SAMD4A: variants seen among roughly 807,000 people sequenced by gnomAD.
SAMD4A encodes the protein sterile alpha motif domain containing 4A, also known as protein Smaug homolog 1.
In SAMD4A, 33 loss-of-function variants were observed where a neutral mutation model predicts 81.3. The ratio of observed to expected loss-of-function variants is 0.41; its 90% confidence interval spans 0.31 to 0.54. SAMD4A has a LOEUF of 0.54. SAMD4A is among the 20% of genes least tolerant of loss of function. SAMD4A has a pLI of 0.37. For synonymous variants in SAMD4A, 389 were observed against 382.1 expected (o/e 1.02, Z -0.21); for missense variants, 854 against 951.1 (o/e 0.90, Z 1.34).
rs763637402 is a variant in SAMD4A at position 54,789,253 on chromosome 14, C to T, written c.*309C>T. The T allele has an allele frequency of 3.3e-5, 16 of 484,752 alleles. No individual in the cohort carries two copies. The highest frequency in any genetic ancestry group is 9.7e-5 in the South Asian group (4 of 41,418). 30.0% of individuals were successfully genotyped at this position (484,752 alleles called of 1,614,324 possible). A position where few individuals can be genotyped will look rare whatever the true frequency, so the allele number is the denominator to read the frequency against. On this transcript the variant is annotated 3_prime_UTR_variant, in exon 13 of 13. Coordinates refer to ENST00000554335, the MANE Select transcript of SAMD4A (RefSeq NM_015589.6). Reference sequence around the variant, plus strand: ...AATGCAGGTAGCTCTCTGGATGGAACGGGGACAGGGGAAAGAGTACTGCCA... The same window carrying T: ...AATGCAGGTAGCTCTCTGGATGGAATGGGGACAGGGGAAAGAGTACTGCCA...
At chr14:54,702,855 T>C in intron 3 of SAMD4A, 1 of 343,336 alleles carries the variant, frequency 2.9e-6, no homozygotes, top group South Asian at 5.4e-5. Flanking sequence ...AGAAGGAAAC[T>C]TGCCGTTTCC....
intron 4 of SAMD4A, among the ~76,000 whole-genome samples, chr14:54,738,480 G>T (rs562126414): frequency 3.3e-5 from 5 of 152,170 alleles, no homozygotes; most frequent in Non-Finnish European, 7.3e-5. Context: ...TGGTTCCAGG[G>T]CTGAGTGCCC....
intron 2 of SAMD4A, among the ~76,000 whole-genome samples, chr14:54,619,532 T>C (rs536312531): frequency 2.4e-4 from 37 of 152,310 alleles, no homozygotes; most frequent in African/African-American, 8.4e-4. Flanking sequence ...ACCTTTTTTG[T>C]TTTAATCATT....
chr14:54,660,095 A>G lies in SAMD4A; in HGVS notation c.197-41967A>G, dbSNP rs59793891. On this transcript the variant is annotated intron_variant, in intron 2 of 12. Transcript: ENST00000554335. ...ACTCCGTCTCAGAAAAAAAAAAAAA[A>G]GGGCCTTTTGTCAATCATCATTCTC... Among the ~76,000 whole-genome samples the G allele has an allele frequency of 8.2e-4, 125 of 151,948 alleles. 1 individual carries two copies. In the East Asian group the frequency reaches 0.015, roughly 18 times the overall value.
intron 3 of SAMD4A, among the ~76,000 whole-genome samples, chr14:54,705,236 C>T (rs140666955): frequency 2.6e-4 from 39 of 152,292 alleles, no homozygotes; most frequent in African/African-American, 9.1e-4. Context: ...TAAGTGTTAA[C>T]ACTGATATGC....
intron 12 of SAMD4A, among the ~76,000 whole-genome samples, chr14:54,788,421 T>A (rs1362236892): frequency 1.3e-5 from 2 of 151,874 alleles, no homozygotes; most frequent in Non-Finnish European, 2.9e-5. Flanking sequence ...CACCCTCAGC[T>A]CCACCACCGG....
chr14:54,764,026 C>T (rs796645676), intron 7 of SAMD4A, among the ~76,000 whole-genome samples: 3 of 152,180 alleles, frequency 2.0e-5, no homozygotes, highest in Admixed American at 1.3e-4. Context: ...ACACAAACGC[C>T]GCTGTCTCTG....
At chr14:54,566,308 G>A (rs1395394428), upstream of SAMD4A, among the ~76,000 whole-genome samples, 1 of 151,642 alleles carries the variant, frequency 6.6e-6, no homozygotes, top group Non-Finnish European at 1.5e-5. Context: ...GAGCCGCGCC[G>A]AGGTGAGCGC....
At chr14:54,565,759 T>C (rs990685232), upstream of SAMD4A, among the ~76,000 whole-genome samples, 2 of 151,756 alleles carry the variant, frequency 1.3e-5, no homozygotes, top group African/African-American at 4.8e-5. This position sits in a 1 kb window ranked among gnomAD's most constrained non-coding sequence, Gnocchi z 5.4. Context: ...GGGGCTCCAG[T>C]GGCTTGAGTG....
chr14:54,682,022 AGT>A (rs2036139916), intron 2 of SAMD4A: 1 of 985,242 alleles, frequency 1.0e-6, no homozygotes, highest in Non-Finnish European at 1.2e-6. Flanking sequence ...GGCCTTACAG[AGT>A]GTTAAGGATG....
At chr14:54,588,009 G>A (rs190095402) in intron 2 of SAMD4A, among the ~76,000 whole-genome samples, 14 of 152,116 alleles carry the variant, frequency 9.2e-5, no homozygotes, top group African/African-American at 2.4e-4. Context: ...AACCTGTCTC[G>A]TCCTGGACTT....
chr14:54,700,186 C>T (rs2036677516), intron 2 of SAMD4A, among the ~76,000 whole-genome samples: 1 of 152,178 alleles, frequency 6.6e-6, no homozygotes, highest in South Asian at 2.1e-4. Context: ...CCTCCATCAT[C>T]AAGTACTTGA....
chr14:54,592,617 G>A (rs1490493523), intron 2 of SAMD4A, among the ~76,000 whole-genome samples: 1 of 152,032 alleles, frequency 6.6e-6, no homozygotes, highest in African/African-American at 2.4e-5. Context: ...CCGCTACCAC[G>A]CCTGGCTAAT....
chr14:54,699,649 A>AATCATT lies in SAMD4A; in HGVS notation c.197-2412_197-2411insTCATTA, dbSNP rs1173160742. On this transcript the variant is annotated intron_variant, in intron 2 of 12. Coordinates refer to ENST00000554335, the MANE Select transcript of SAMD4A (RefSeq NM_015589.6). ...GAAGTGATAATTTGATTATTTAAAT[A>AATCATT]AAATATATCATTAAAATGTACATTA... Among the ~76,000 whole-genome samples the AATCATT allele has an allele frequency of 1.3e-5, 2 of 152,256 alleles. 1 individual carries two copies. The highest frequency in any genetic ancestry group is 6.3e-3 in the Middle Eastern group (2 of 316).
intron 11 of SAMD4A, among the ~76,000 whole-genome samples, chr14:54,777,483 C>T (rs961314657): frequency 3.3e-5 from 5 of 152,170 alleles, no homozygotes; most frequent in Admixed American, 1.3e-4. Context: ...GCCCGGAAGC[C>T]GTGGCTGGGC....
intron 2 of SAMD4A, chr14:54,694,385 T>C (rs1031464649): frequency 7.2e-5 from 11 of 152,446 alleles, no homozygotes; most frequent in Admixed American, 4.6e-4. Context: ...GAGAAAGGAG[T>C]CAAGGATACT....
intron 8 of SAMD4A, among the ~76,000 whole-genome samples, chr14:54,764,927 G>C (rs1258860167): frequency 3.9e-5 from 6 of 152,218 alleles, no homozygotes; most frequent in Non-Finnish European, 7.3e-5. Flanking sequence ...ACTGGAGAGA[G>C]GAAGGGAGAA....
intron 3 of SAMD4A, among the ~76,000 whole-genome samples, chr14:54,724,833 C>T (rs544997314): frequency 2.0e-5 from 3 of 152,344 alleles, no homozygotes; most frequent in Admixed American, 6.5e-5. Flanking sequence ...CCCTAACTGG[C>T]TGTTCTACTG....
At chr14:54,585,961 A>G (rs2033604609) in intron 2 of SAMD4A, among the ~76,000 whole-genome samples, 1 of 152,026 alleles carries the variant, frequency 6.6e-6, no homozygotes, top group Non-Finnish European at 1.5e-5. Context: ...ACCTACCCAG[A>G]GATTGCCAGA....
Sources: allele counts gnomAD v4.1 joint callset (sites outside exome capture counted in the v4.1 genomes callset), GRCh38; gene constraint gnomAD v4.1.1; non-coding constraint Gnocchi (gnomAD v3.1); transcripts MANE v1.5; gene names NCBI Gene and HGNC (gene_info 2026-07-23, HGNC 2026-07-21).